Variants in SEC24B observed in about 807,000 individuals in gnomAD.
The protein encoded by SEC24B is SEC24 homolog B, COPII component, also known as protein transport protein Sec24B.
Under a neutral mutation model 142.8 loss-of-function variants are expected in SEC24B, and 45 were observed. That is an observed-to-expected ratio of 0.32 (90% CI 0.25 to 0.40). The LOEUF (loss-of-function observed/expected upper bound fraction) is 0.40. Ranked by LOEUF, SEC24B falls within the 10% of genes least tolerant of loss-of-function variation. The pLI is 1.00. For synonymous variants in SEC24B, 574 were observed against 568.2 expected (o/e 1.01, Z -0.15); for missense variants, 1,409 against 1,526.8 (o/e 0.92, Z 1.29).
At chr4:109,483,546 CTA>C (rs1277354886) in intron 4 of SEC24B, among the ~76,000 whole-genome samples, 3 of 145,684 alleles carry the variant, frequency 2.1e-5, no homozygotes, top group Admixed American at 2.0e-4. Flanking sequence ...GACTCTCAAC[CTA>C]TAGTTTAAGA....
intron 5 of SEC24B, among the ~76,000 whole-genome samples, chr4:109,492,484 T>C (rs2126005809): frequency 6.6e-6 from 1 of 152,348 alleles, no homozygotes; most frequent in Admixed American, 6.5e-5. Flanking sequence ...GTTGAAAGAT[T>C]CTGGCCCTGC....
intron 1 of SEC24B, among the ~76,000 whole-genome samples, chr4:109,445,085 A>G (rs1428064436): frequency 1.3e-5 from 2 of 151,904 alleles, no homozygotes; most frequent in East Asian, 3.9e-4. Context: ...CACTACACCT[A>G]TCTAATTTTA....
intron 1 of SEC24B, among the ~76,000 whole-genome samples, chr4:109,442,896 A>G (rs1156791902): frequency 6.6e-6 from 1 of 152,150 alleles, no homozygotes; most frequent in African/African-American, 2.4e-5. Flanking sequence ...CATTTTTACT[A>G]GGTTTGGTAA....
chr4:109,463,130 T>A lies in SEC24B; in HGVS notation c.363T>A (p.Pro121=). The A allele has an allele frequency of 1.2e-6, 2 of 1,614,078 alleles. No individual in the cohort carries two copies. The highest frequency in any genetic ancestry group is 1.7e-6 in the Non-Finnish European group (2 of 1,179,944). The change falls in exon 2 of 24, where the codon CCT becomes CCA. Residue 121 remains proline, a synonymous_variant. Coordinates refer to ENST00000265175, the MANE Select transcript of SEC24B (RefSeq NM_006323.5). ...PGAQQLYSRG[P]PAPHIVGSTL... ...CACAGCAGTTGTACAGCAGGGGTCC[T>A]CCTGCCCCTCATATTGTGGGATCCA...
chr4:109,443,373 T>C (rs1283956033), intron 1 of SEC24B, among the ~76,000 whole-genome samples: 1 of 152,186 alleles, frequency 6.6e-6, no homozygotes, highest in African/African-American at 2.4e-5. Context: ...ACCTGAACCT[T>C]ATTTTATGCA....
At position 109,513,831 on chromosome 4, in the gene SEC24B, A is replaced by C; in HGVS notation, c.1988A>C (p.Glu663Ala). The C allele has an allele frequency of 6.2e-7, 1 of 1,609,102 alleles. No homozygotes were observed. The highest frequency in any genetic ancestry group is 8.5e-7 in the Non-Finnish European group (1 of 1,175,598). Residue 663 changes from glutamate (E) to alanine (A), a missense_variant, in exon 10 of 24, where the codon GAG becomes GCG. By Grantham distance (107) the Glu-to-Ala change is moderately radical (BLOSUM62 -1). Coordinates refer to ENST00000265175, the MANE Select transcript of SEC24B (RefSeq NM_006323.5). ...CCAGAAGTTCAGAATTCAACTGTGG[A>C]GTTCATTGCTTCTTCAGATTACATG... ...KRPEVQNSTVEFIASSDYMLR... is the reference protein window; with the variant it reads ...KRPEVQNSTVAFIASSDYMLR...
chr4:109,476,756 C>T (rs1350387127), intron 3 of SEC24B, among the ~76,000 whole-genome samples: 1 of 145,760 alleles, frequency 6.9e-6, no homozygotes, highest in Non-Finnish European at 1.5e-5. Flanking sequence ...CTTACTTTCT[C>T]ATCACATGGA....
chr4:109,489,684 C>T (rs1050135383), intron 4 of SEC24B, among the ~76,000 whole-genome samples: 34 of 125,124 alleles, frequency 2.7e-4, no homozygotes, highest in Admixed American at 4.5e-4. Flanking sequence ...GTGATATATA[C>T]ATATGATAAT....
chr4:109,477,387 A>G (rs906485871), intron 3 of SEC24B, among the ~76,000 whole-genome samples: 1 of 151,948 alleles, frequency 6.6e-6, no homozygotes, highest in Non-Finnish European at 1.5e-5. Flanking sequence ...AGCTCAGCTC[A>G]CTGCAGCCTC....
chr4:109,489,656 T>G (rs1734796471), intron 4 of SEC24B, among the ~76,000 whole-genome samples: 1 of 119,524 alleles, frequency 8.4e-6, no homozygotes, highest in South Asian at 2.5e-4. Context: ...ATATATGGTA[T>G]ATATATGATA....
chr4:109,512,982 T>A (rs1737520552), intron 9 of SEC24B, among the ~76,000 whole-genome samples: 1 of 149,044 alleles, frequency 6.7e-6, no homozygotes, highest in African/African-American at 2.5e-5. Flanking sequence ...TTTTTTTTTT[T>A]TTTTTTTTTG....
Position 109,492,629 on chromosome 4 carries a change from G to A in SEC24B, c.1246+1222G>A, listed in dbSNP as rs1735134206. On this transcript the variant is annotated intron_variant, in intron 5 of 23. Transcript: ENST00000265175. ...TACTACACCAAAATTAAAGAACTACGTGAGCATCTGTAGCAGTAATGTTAA... is the reference window on the plus strand; with the variant it reads ...TACTACACCAAAATTAAAGAACTACATGAGCATCTGTAGCAGTAATGTTAA... Among the ~76,000 whole-genome samples the A allele has an allele frequency of 2.6e-5, 4 of 152,292 alleles. 1 individual carries two copies. The South Asian group carries it at 8.3e-4, about 32-fold the overall frequency.
intron 4 of SEC24B, among the ~76,000 whole-genome samples, chr4:109,487,181 A>AG (rs1734455778): frequency 6.6e-6 from 1 of 151,812 alleles, no homozygotes; most frequent in African/African-American, 2.4e-5. Context: ...AAAAAAAAAA[A>AG]AAAGAAAAGT....
chr4:109,463,593 C>T lies in SEC24B; in HGVS notation c.826C>T (p.Arg276Ter). 6.2e-7 allele frequency: 1 copy of T among 1,614,104 alleles called. No individual in the cohort carries two copies. The highest frequency in any genetic ancestry group is 1.6e-4 in the Middle Eastern group (1 of 6,062). ...GLPSTQDNLI[R>*]NHTGSLAVAN... ...TCCATCGACTCAAGACAATCTCATC[C>T]GAAACCACACAGGATCCCTGGCTGT... Residue 276 changes from arginine to a stop codon, truncating the protein, a stop_gained, in exon 2 of 24, where the codon CGA becomes TGA. Coordinates refer to ENST00000265175, the MANE Select transcript of SEC24B (RefSeq NM_006323.5). LOFTEE classifies it high-confidence loss of function.
intron 1 of SEC24B, among the ~76,000 whole-genome samples, chr4:109,436,129 G>A (rs191889020): frequency 6.6e-6 from 1 of 152,250 alleles, no homozygotes; most frequent in East Asian, 1.9e-4. Flanking sequence ...CTAGGGTCAG[G>A]TAGAGTACGA....
intron 18 of SEC24B, among the ~76,000 whole-genome samples, chr4:109,527,945 G>T (rs1174112180): frequency 6.6e-6 from 1 of 152,104 alleles, no homozygotes; most frequent in Non-Finnish European, 1.5e-5. Context: ...TAAAAATGTG[G>T]TAAAAACTGA....
chr4:109,515,101 A>G (rs1737785685), intron 10 of SEC24B, among the ~76,000 whole-genome samples: 1 of 151,590 alleles, frequency 6.6e-6, no homozygotes, highest in Non-Finnish European at 1.5e-5. Flanking sequence ...ATTTTTATTT[A>G]TTTATTTATT....
In SEC24B at chr4:109,524,961, G is replaced by A; in HGVS notation, c.2632+20G>A. On this transcript the variant is annotated intron_variant, in intron 15 of 23. Coordinates refer to ENST00000265175, the MANE Select transcript of SEC24B (RefSeq NM_006323.5). Reference sequence around the variant, plus strand: ...CTCTAGGTAAGGAAAGTCATCATGGGTACATTTGTTTAAATGAACATTTTT... The same window carrying A: ...CTCTAGGTAAGGAAAGTCATCATGGATACATTTGTTTAAATGAACATTTTT... The A allele has an allele frequency of 3.2e-6, 5 of 1,584,228 alleles. No homozygotes were observed. The highest frequency in any genetic ancestry group is 4.3e-6 in the Non-Finnish European group (5 of 1,167,618).
rs533226685 is a variant in SEC24B, at chr4:109,458,630, A to T, written c.134-4271A>T. Among the ~76,000 whole-genome samples, 52 of 152,364 alleles carry T rather than the reference A, an allele frequency of 3.4e-4. 1 individual carries two copies. The South Asian group carries it at 0.01, about 30-fold the overall frequency. ...TGGTAAATTCATGTAATGGAATACT[A>T]TTCAGACATTAAAAATAATGATGGA... On this transcript the variant is annotated intron_variant, in intron 1 of 23. Coordinates refer to ENST00000265175, the MANE Select transcript of SEC24B (RefSeq NM_006323.5).
Sources: gnomAD v4.1 joint callset for allele counts (sites outside exome capture counted in the v4.1 genomes callset) on GRCh38, gnomAD v4.1.1 for gene constraint, MANE v1.5 for transcripts, NCBI Gene and HGNC (gene_info 2026-07-23, HGNC 2026-07-21) for gene names.